The following NALF1 variants were observed in gnomAD, a reference collection of about 807,000 sequenced individuals.
NALF1 encodes the protein family with sequence similarity 155 member A.
Under a neutral mutation model 48.4 loss-of-function variants are expected in NALF1, and 3 were observed. That is an observed-to-expected ratio of 0.06 (90% CI 0.03 to 0.16). NALF1 has a LOEUF of 0.16. Among genes scored for constraint, NALF1 ranks in the 10% least tolerant of loss-of-function variants. The pLI is 1.00. For synonymous variants in NALF1, 262 were observed against 245.7 expected, an observed-to-expected ratio of 1.07 and a Z score of -0.62; for missense variants, 526 against 571.5, an observed-to-expected ratio of 0.92 and a Z score of 0.81.
rs528638548 is a variant in NALF1, at chr13:107,353,477, T to C, written c.916-142722A>G. On this transcript the variant is annotated intron_variant, in intron 1 of 2. Transcript: ENST00000375915. ...ATTGCCACCTGGCAAAGTTCTCTAGTCAAAAGCTGTCTGTTTGTTTGTCTT... is the reference window on the plus strand; with the variant it reads ...ATTGCCACCTGGCAAAGTTCTCTAGCCAAAAGCTGTCTGTTTGTTTGTCTT... Among the ~76,000 whole-genome samples, 3 of 152,352 alleles carry C rather than the reference T, an allele frequency of 2.0e-5. No individual in the cohort carries two copies. In the East Asian group the frequency reaches 5.8e-4, roughly 29 times the overall value.
chr13:107,667,832 C>A (rs556677055), intron 1 of NALF1, among the ~76,000 whole-genome samples: 1 of 152,208 alleles, frequency 6.6e-6, no homozygotes, highest in South Asian at 2.1e-4. Flanking sequence ...AACCACTATA[C>A]AATCATAGAA....
At chr13:107,324,362 C>T (rs976209245) in intron 1 of NALF1, among the ~76,000 whole-genome samples, 10 of 152,166 alleles carry the variant, frequency 6.6e-5, no homozygotes, top group Non-Finnish European at 1.5e-4. Context: ...ATTTAATACG[C>T]TTACCTAAAC....
chr13:107,623,394 T>G (rs1398235449), intron 1 of NALF1, among the ~76,000 whole-genome samples: 1 of 150,696 alleles, frequency 6.6e-6, no homozygotes, highest in East Asian at 2.1e-4. Flanking sequence ...GACAGTTACA[T>G]GCCTAGAAAA....
chr13:107,380,998 A>G lies in NALF1; in HGVS notation c.916-170243T>C, dbSNP rs1566318343. On this transcript the variant is annotated intron_variant, in intron 1 of 2. Transcript: ENST00000375915. ...GTCTCAAAAAAAAAAAAAAAAAAGA[A>G]TACATACATTTTAGTAGAACTGGTT... Among the ~76,000 whole-genome samples, 14 of 150,606 alleles carry G rather than the reference A, an allele frequency of 9.3e-5. No homozygotes were observed. The East Asian group carries it at 2.1e-3, about 23-fold the overall frequency.
chr13:107,834,640 A>AT (rs1038260691), intron 1 of NALF1, among the ~76,000 whole-genome samples: 2 of 152,208 alleles, frequency 1.3e-5, no homozygotes, highest in Non-Finnish European at 1.5e-5. Flanking sequence ...ATTTACTGTG[A>AT]TTTTTTTACA....
intron 1 of NALF1, among the ~76,000 whole-genome samples, chr13:107,681,723 G>A (rs1018453483): frequency 6.6e-6 from 1 of 152,054 alleles, no homozygotes; most frequent in Non-Finnish European, 1.5e-5. Flanking sequence ...AGGTGCCTAG[G>A]GGAGGCCATC....
chr13:107,209,433 G>A (rs760243929), intron 2 of NALF1, among the ~76,000 whole-genome samples: 16 of 150,210 alleles, frequency 1.1e-4, no homozygotes, highest in African/African-American at 3.2e-4. Context: ...CTTGAACCCC[G>A]GAGGCGGAGC....
intron 1 of NALF1, among the ~76,000 whole-genome samples, chr13:107,830,973 A>G (rs1409501212): frequency 2.0e-5 from 3 of 152,252 alleles, no homozygotes; most frequent in African/African-American, 7.2e-5. Flanking sequence ...CGCAAAGAGC[A>G]TGGGCTGACA....
intron 1 of NALF1, among the ~76,000 whole-genome samples, chr13:107,278,291 T>G (rs1881319890): frequency 1.3e-5 from 2 of 152,252 alleles, no homozygotes; most frequent in African/African-American, 4.8e-5. Flanking sequence ...GATCTCATGC[T>G]CTTTCATTTA....
chr13:107,226,478 G>GT lies in NALF1; in HGVS notation c.916-15724_916-15723insA, dbSNP rs1397043645. Among the ~76,000 whole-genome samples the GT allele has an allele frequency of 1.1e-4, 16 of 152,254 alleles. No individual in the cohort carries two copies. The East Asian group carries it at 3.1e-3, about 29-fold the overall frequency. On this transcript the variant is annotated intron_variant, in intron 1 of 2. Coordinates refer to ENST00000375915, the MANE Select transcript of NALF1 (RefSeq NM_001080396.3). ...TCTGTTTCTTTCACATGGTATAAAT[G>GT]CAAAAGTTCATTTGAAACAGATTCT...
intron 1 of NALF1, among the ~76,000 whole-genome samples, chr13:107,820,829 G>C (rs1429397679): frequency 1.3e-5 from 2 of 152,140 alleles, no homozygotes; most frequent in African/African-American, 4.8e-5. Context: ...GTTATTTCAT[G>C]ATCTAGTCCA....
At chr13:107,770,953 T>A (rs1877560086) in intron 1 of NALF1, among the ~76,000 whole-genome samples, 1 of 152,220 alleles carries the variant, frequency 6.6e-6, no homozygotes, top group Non-Finnish European at 1.5e-5. Flanking sequence ...CCTTGTGAGT[T>A]TCTGGTCTTT....
rs181689557 is a variant in NALF1, at chr13:107,479,111, T to C, written c.916-268356A>G. 5.9e-5 allele frequency among the ~76,000 whole-genome samples: 9 copies of C among 152,242 alleles called. No individual in the cohort carries two copies. In the East Asian group the frequency reaches 1.7e-3, roughly 29 times the overall value. ...GTCAGTACCAACCTTCCTTAGAAGA[T>C]GCCCTTAAAGTCAGTCCATTAAACC... On this transcript the variant is annotated intron_variant, in intron 1 of 2. Coordinates refer to ENST00000375915, the MANE Select transcript of NALF1 (RefSeq NM_001080396.3).
intron 1 of NALF1, among the ~76,000 whole-genome samples, chr13:107,795,305 AG>A (rs1386852354): frequency 6.6e-6 from 1 of 152,144 alleles, no homozygotes; most frequent in Non-Finnish European, 1.5e-5. Context: ...GCAAAGAAAG[AG>A]GGGGGAAAGC....
intron 1 of NALF1, among the ~76,000 whole-genome samples, chr13:107,334,495 G>T (rs188102421): frequency 6.6e-6 from 1 of 152,220 alleles, no homozygotes; most frequent in African/African-American, 2.4e-5. Flanking sequence ...CTTCCAGAAG[G>T]TTCTTTCACC....
At chr13:107,368,585 G>T (rs4294667) in intron 1 of NALF1, among the ~76,000 whole-genome samples, 123,053 of 152,176 alleles carry the variant, frequency 0.81, 50,004 homozygotes, top group Admixed American at 0.88. Flanking sequence ...TTCTTGGCAT[G>T]CCTCGGCTTG....
At chr13:107,539,059 ACATG>A (rs1876924322) in intron 1 of NALF1, among the ~76,000 whole-genome samples, 1 of 150,204 alleles carries the variant, frequency 6.7e-6, no homozygotes, top group Admixed American at 6.6e-5. Context: ...TAAACAACAC[ACATG>A]TGAACTTCTT....
At chr13:107,721,109 TACACACACACACACACACACACAC>T (rs66578211) in intron 1 of NALF1, among the ~76,000 whole-genome samples, 1 of 143,842 alleles carries the variant, frequency 7.0e-6, no homozygotes, top group Non-Finnish European at 1.5e-5. Context: ...CAGATCTCAA[TACACACACACACACACACACACAC>T]ACACACACAC....
At chr13:107,501,728 G>C (rs1413320785) in intron 1 of NALF1, among the ~76,000 whole-genome samples, 1 of 151,962 alleles carries the variant, frequency 6.6e-6, no homozygotes, top group Non-Finnish European at 1.5e-5. Context: ...GAAATGCTGG[G>C]GTTTTTGCAT....
Sources: gnomAD v4.1 joint callset for allele counts (sites outside exome capture counted in the v4.1 genomes callset) on GRCh38, gnomAD v4.1.1 for gene constraint, MANE v1.5 for transcripts, NCBI Gene and HGNC (gene_info 2026-07-23, HGNC 2026-07-21) for gene names.